Variants in ADH7 observed in about 807,000 individuals in gnomAD.
The protein encoded by ADH7 is alcohol dehydrogenase 7 (class IV), mu or sigma polypeptide.
In ADH7, 41 loss-of-function variants were observed where a neutral mutation model predicts 34.4. The observed-to-expected ratio is 1.19, with a 90% CI of 0.93 to 1.55. ADH7 has a LOEUF of 1.55. ADH7 is among the 40% of genes most tolerant of loss of function. ADH7 has a pLI of 0.00. For missense variants in ADH7, 540 were observed against 461.2 expected, an observed-to-expected ratio of 1.17 and a Z score of -1.56; for synonymous variants, 180 against 160.9, an observed-to-expected ratio of 1.12 and a Z score of -0.90.
chr4:99,419,000 C>A lies in ADH7; in HGVS notation c.947G>T (p.Gly316Val). The change falls in exon 7 of 9, where the codon GGA (glycine) becomes GTA (valine). Residue 316 changes from glycine (G) to valine (V), a missense_variant. Gly to Val is a moderately radical substitution (Grantham distance 109). Coordinates refer to ENST00000437033, the MANE Select transcript of ADH7 (RefSeq NM_000673.7). Reference sequence around the variant, plus strand: ...GCTTTCCTGACCTCCAAAGACACATCCCTTCCATGTGCGTCCAGTGAAGAG... The same window carrying A: ...GCTTTCCTGACCTCCAAAGACACATACCTTCCATGTGCGTCCAGTGAAGAG... The part of the protein sequence containing the change: ...MLLFTGRTWK[G>V]CVFGGLKSRD... The A allele has an allele frequency of 6.2e-7, 1 of 1,613,758 alleles. No individual in the cohort carries two copies. The highest frequency in any genetic ancestry group is 8.5e-7 in the Non-Finnish European group (1 of 1,179,798).
rs934932645 is a variant in ADH7, at chr4:99,412,363, A to G, written c.*785T>C. ...AAAAACTAAAAACACTTTTTATTAA[A>G]TGGAGTCACTACTAAGCACAGTGAA... On this transcript the variant is annotated 3_prime_UTR_variant, in exon 9 of 9. Transcript: ENST00000437033. 3 of 152,116 alleles carry G rather than the reference A, an allele frequency of 2.0e-5. No individual in the cohort carries two copies. Among genetic ancestry groups the G allele is most frequent in the African/African-American group, 4.8e-5 (2 of 41,448 alleles). The allele number at this position is 152,116 out of a possible 1,614,324, so 9.4% of individuals were successfully genotyped here. A position where few individuals can be genotyped will look rare whatever the true frequency, so the allele number is the denominator to read the frequency against.
At position 99,412,703 on chromosome 4, in the gene ADH7, A is replaced by C. The variant is rs1165884400; in HGVS notation, c.*445T>G. The C allele has an allele frequency of 6.5e-6, 1 of 152,946 alleles. No homozygotes were observed. The highest frequency in any genetic ancestry group is 2.4e-5 in the African/African-American group (1 of 41,486). 9.5% of individuals were successfully genotyped at this position (152,946 alleles called of 1,614,324 possible). A position where few individuals can be genotyped will look rare whatever the true frequency, so the allele number is the denominator to read the frequency against. On this transcript the variant is annotated 3_prime_UTR_variant, in exon 9 of 9. Coordinates refer to ENST00000437033, the MANE Select transcript of ADH7 (RefSeq NM_000673.7). The stretch of plus-strand genomic sequence containing the variant: ...ATGTAATCCAACTTAACTCATAACA[A>C]GTGTTTAAAAAATACATTTATATTC...
At chr4:99,426,698 T>C (rs936737830) in intron 5 of ADH7, among the ~76,000 whole-genome samples, 1 of 152,206 alleles carries the variant, frequency 6.6e-6, no homozygotes, top group Non-Finnish European at 1.5e-5. Flanking sequence ...GAATCCTCCC[T>C]AACTCATTTT....
At chr4:99,416,834 C>A (rs539097054) in intron 7 of ADH7, among the ~76,000 whole-genome samples, 1 of 152,228 alleles carries the variant, frequency 6.6e-6, no homozygotes, top group South Asian at 2.1e-4. Context: ...TAACCTGCCC[C>A]AAACCACTCC....
rs1721585147 is a variant in ADH7 at position 99,419,007 on chromosome 4, A to T, written c.940T>A (p.Trp314Arg). ...TGACCTCCAAAGACACATCCCTTCC[A>T]TGTGCGTCCAGTGAAGAGCAACATC... is the stretch of plus-strand genomic sequence containing the variant. ...DPMLLFTGRTWKGCVFGGLKS... is the reference protein window; with the variant it reads ...DPMLLFTGRTRKGCVFGGLKS... Residue 314 changes from tryptophan (W) to arginine (R), a missense_variant, in exon 7 of 9, where the codon TGG (tryptophan) becomes AGG (arginine). Coordinates refer to ENST00000437033, the MANE Select transcript of ADH7 (RefSeq NM_000673.7). The T allele has an allele frequency of 6.2e-7, 1 of 1,613,646 alleles. No individual in the cohort carries two copies. The highest frequency in any genetic ancestry group is 8.5e-7 in the Non-Finnish European group (1 of 1,179,812).
rs770976317 is a variant in ADH7, at chr4:99,427,935, G to A, written c.402C>T (p.Gly134=). Residue 134 remains glycine, a synonymous_variant, in exon 5 of 9, where the codon GGC becomes GGT. Coordinates refer to ENST00000437033, the MANE Select transcript of ADH7 (RefSeq NM_000673.7). ...ADGTTRFTCK[G]KPVHHFMNTS... ...TGTTCATGAAGTGGTGGACTGGTTT[G>A]CCCTTGCATGTAAATCTGGTGGTGC... 1.2e-6 allele frequency: 2 copies of A among 1,613,986 alleles called. No individual in the cohort carries two copies. Among genetic ancestry groups the A allele is most frequent in the East Asian group, 4.5e-5 (2 of 44,882 alleles).
intron 5 of ADH7, among the ~76,000 whole-genome samples, chr4:99,422,844 T>A (rs1208879777): frequency 6.7e-6 from 1 of 150,010 alleles, no homozygotes; most frequent in Non-Finnish European, 1.5e-5. Flanking sequence ...TTTTATTTTT[T>A]TTTCTAATAA....
At chr4:99,418,381 C>T (rs1721570728) in intron 7 of ADH7, among the ~76,000 whole-genome samples, 1 of 152,022 alleles carries the variant, frequency 6.6e-6, no homozygotes. Flanking sequence ...CTTCAAAGCA[C>T]CCAGTACAAC....
Position 99,420,758 on chromosome 4 carries a change from C to G in ADH7, c.600G>C (p.Leu200=), listed in dbSNP as rs771246985. Residue 200 remains leucine, a synonymous_variant, in exon 6 of 9, where the codon CTG becomes CTC. Transcript: ENST00000437033. ...KPGSTCVVFG[L]GGVGLSVIMG... is the part of the protein sequence containing the mutation. ...TGATGACTGACAGGCCAACTCCTCCCAGGCCAAAGACGACGCAAGTGGAAC... is the reference window on the plus strand; with the variant it reads ...TGATGACTGACAGGCCAACTCCTCCGAGGCCAAAGACGACGCAAGTGGAAC... 1 of 1,613,844 alleles carries G rather than the reference C, an allele frequency of 6.2e-7. No individual in the cohort carries two copies.
intron 5 of ADH7, among the ~76,000 whole-genome samples, chr4:99,421,614 C>T (rs1321397821): frequency 1.3e-5 from 2 of 152,142 alleles, no homozygotes; most frequent in African/African-American, 4.8e-5. Context: ...GACAAAAACA[C>T]CAAAAGCAAT....
At chr4:99,435,183 A>G (rs762813967) in intron 1 of ADH7, 33 bp downstream of exon 1, 69 of 1,609,408 alleles carry the variant, frequency 4.3e-5, no homozygotes, top group Non-Finnish European at 5.6e-5. Flanking sequence ...TCATTAGGTC[A>G]TGATGAGGAG....
chr4:99,423,546 C>T (rs1407081010), intron 5 of ADH7, among the ~76,000 whole-genome samples: 1 of 151,770 alleles, frequency 6.6e-6, no homozygotes, highest in Admixed American at 6.6e-5. Flanking sequence ...CTTGTTGTTT[C>T]CTGACTTTTT....
In ADH7 at chr4:99,428,088, C is replaced by A. The variant is rs549028723; in HGVS notation, c.346G>T (p.Asp116Tyr). Residue 116 changes from aspartate to tyrosine, a missense_variant and splice_region_variant, in exon 4 of 9, where the codon GAT becomes TAT. Asp to Tyr is a radical substitution (Grantham distance 160). Coordinates refer to ENST00000437033, the MANE Select transcript of ADH7 (RefSeq NM_000673.7). ...AAAGTAAAAATGACTGAAACCTACTCGCTCCTAATGCAAAGGTTGCCATCT... is the reference window on the plus strand; with the variant it reads ...AAAGTAAAAATGACTGAAACCTACTAGCTCCTAATGCAAAGGTTGCCATCT... ...NPDGNLCIRS[D>Y]ITGRGVLADG... 1.1e-5 allele frequency: 17 copies of A among 1,613,852 alleles called. No individual in the cohort carries two copies. Among genetic ancestry groups the A allele is most frequent in the Non-Finnish European group, 1.4e-5 (17 of 1,179,834 alleles).
chr4:99,424,643 T>A (rs572876840), intron 5 of ADH7, among the ~76,000 whole-genome samples: 32 of 152,352 alleles, frequency 2.1e-4, no homozygotes, highest in African/African-American at 7.7e-4. Context: ...TTGAAGCAAT[T>A]GTGAATGGGA....
chr4:99,420,845 A>C, intron 5 of ADH7, 52 bp from the exon 6 acceptor site: 7 of 1,575,286 alleles, frequency 4.4e-6, no homozygotes, highest in Non-Finnish European at 6.1e-6. Context: ...CAAAAAGTGA[A>C]ACCTGAAAAG....
chr4:99,422,838 A>ATT (rs147760235), intron 5 of ADH7, among the ~76,000 whole-genome samples: 4 of 145,160 alleles, frequency 2.8e-5, no homozygotes, highest in African/African-American at 7.6e-5. Flanking sequence ...GACCTATTTT[A>ATT]TTTTTTTTTC....
chr4:99,423,951 C>T (rs1231304793), intron 5 of ADH7, among the ~76,000 whole-genome samples: 1 of 151,802 alleles, frequency 6.6e-6, no homozygotes, highest in Non-Finnish European at 1.5e-5. Flanking sequence ...GAAGTCCTTG[C>T]CCATGCCTAT....
chr4:99,415,312 A>G, intron 8 of ADH7, 166 bp downstream of exon 8: 1 of 724,524 alleles, frequency 1.4e-6, no homozygotes, highest in Non-Finnish European at 2.2e-6. Context: ...TTATAGTAGT[A>G]TGAAAATACA....
intron 8 of ADH7, among the ~76,000 whole-genome samples, chr4:99,415,065 C>T (rs939620899): frequency 6.6e-6 from 1 of 152,136 alleles, no homozygotes; most frequent in African/African-American, 2.4e-5. Context: ...GGGCAGTTTC[C>T]CTCATGCTGT....
Sources: gnomAD v4.1 joint callset for allele counts (sites outside exome capture counted in the v4.1 genomes callset) on GRCh38, gnomAD v4.1.1 for gene constraint, MANE v1.5 for transcripts, NCBI Gene and HGNC (gene_info 2026-07-23, HGNC 2026-07-21) for gene names.